The following MYO6 variants were observed in gnomAD, a reference collection of about 807,000 sequenced individuals.
MYO6 encodes myosin VI, also known as unconventional myosin-VI.
A neutral mutation model predicts 178.7 loss-of-function variants in MYO6; 74 were observed. That is an observed-to-expected ratio of 0.41 (90% CI 0.34 to 0.50). The LOEUF (loss-of-function observed/expected upper bound fraction) is 0.50. Among genes scored for constraint, MYO6 ranks in the 20% least tolerant of loss-of-function variants. The pLI, the probability that MYO6 is intolerant of heterozygous loss-of-function variation, is 0.09. For synonymous variants in MYO6, 477 were observed against 504.6 expected, an observed-to-expected ratio of 0.95 and a Z score of 0.73; for missense variants, 1,330 against 1,547.4, an observed-to-expected ratio of 0.86 and a Z score of 2.36.
chr6:75,855,068 C>A, intron 11 of MYO6, 71 bp from the exon 12 acceptor site: 1 of 1,345,832 alleles, frequency 7.4e-7, no homozygotes, highest in Non-Finnish European at 1.0e-6. Flanking sequence ...AAGTATAATT[C>A]TAAGAAATGG....
intron 32 of MYO6, among the ~76,000 whole-genome samples, chr6:75,909,233 A>G (rs907676880): frequency 2.6e-5 from 4 of 152,178 alleles, no homozygotes; most frequent in African/African-American, 9.6e-5. Context: ...GTTTTTAGAA[A>G]TAGTTCCCTG....
At chr6:75,880,617 T>C (rs1431015235) in intron 22 of MYO6, among the ~76,000 whole-genome samples, 1 of 152,268 alleles carries the variant, frequency 6.6e-6, no homozygotes, top group African/African-American at 2.4e-5. Context: ...AGAGCTTTAA[T>C]AATTATTTGA....
chr6:75,813,681 G>A (rs1770922760), intron 1 of MYO6, among the ~76,000 whole-genome samples: 1 of 152,196 alleles, frequency 6.6e-6, no homozygotes, highest in South Asian at 2.1e-4. Context: ...TCTCACCTGT[G>A]ACCCGTGGTG....
At chr6:75,852,884 A>T (rs1438070876) in intron 11 of MYO6, among the ~76,000 whole-genome samples, 1 of 152,208 alleles carries the variant, frequency 6.6e-6, no homozygotes. Flanking sequence ...GCTGAATCAC[A>T]TCATGGTAAA....
intron 10 of MYO6, among the ~76,000 whole-genome samples, chr6:75,845,903 C>G (rs942912893): frequency 6.6e-6 from 1 of 151,532 alleles, no homozygotes; most frequent in Non-Finnish European, 1.5e-5. Context: ...AGGAGAATCG[C>G]TTGAACCCAG....
At chr6:75,898,433 G>T in intron 30 of MYO6, 22 bp downstream of exon 30, 1 of 1,593,586 alleles carries the variant, frequency 6.3e-7, no homozygotes, top group Non-Finnish European at 8.6e-7. Flanking sequence ...GTAATTGGGG[G>T]AAATAAGTGT....
chr6:75,808,470 G>A (rs777737294), intron 1 of MYO6, among the ~76,000 whole-genome samples: 18 of 152,048 alleles, frequency 1.2e-4, no homozygotes, highest in Non-Finnish European at 2.1e-4. Flanking sequence ...CCTCCTGAAA[G>A]CCCTGTCTCC....
intron 10 of MYO6, 88 bp from the exon 11 acceptor site, chr6:75,848,263 A>T (rs939286916): frequency 8.4e-7 from 1 of 1,183,962 alleles, no homozygotes; most frequent in Non-Finnish European, 1.3e-6. Flanking sequence ...TTTGCATGTT[A>T]TATAGTGCAT....
At chr6:75,864,617 C>T (rs1241802892) in intron 16 of MYO6, among the ~76,000 whole-genome samples, 2 of 152,078 alleles carry the variant, frequency 1.3e-5, no homozygotes, top group Admixed American at 1.3e-4. Context: ...AGGTGACTTA[C>T]CAGGGGCACT....
At position 75,750,261 on chromosome 6, in the gene MYO6, A is replaced by AT. The variant is rs916162752; in HGVS notation, c.-48+845dup. ...AAGCGCCCACCACCACGCCTGGCTA[A>AT]TTTTTTTGTATTTTTAGTAGAGACG... On this transcript the variant is annotated intron_variant, in intron 1 of 34. Coordinates refer to ENST00000369977, the MANE Select transcript of MYO6 (RefSeq NM_004999.4). Among the ~76,000 whole-genome samples, 16 of 151,898 alleles carry AT rather than the reference A, an allele frequency of 1.1e-4. No individual in the cohort carries two copies. The South Asian group carries it at 2.3e-3, about 22-fold the overall frequency.
intron 16 of MYO6, among the ~76,000 whole-genome samples, chr6:75,862,972 T>G (rs1776328655): frequency 6.6e-6 from 1 of 152,162 alleles, no homozygotes; most frequent in Non-Finnish European, 1.5e-5. Flanking sequence ...GTGCCTGTAG[T>G]CTGAGATACT....
chr6:75,845,223 G>A (rs560093097), intron 10 of MYO6, among the ~76,000 whole-genome samples: 30 of 152,084 alleles, frequency 2.0e-4, no homozygotes, highest in Non-Finnish European at 4.1e-4. Flanking sequence ...CTCTCATTCT[G>A]TTTTCAAGCA....
chr6:75,821,293 C>T (rs893171024), intron 2 of MYO6, among the ~76,000 whole-genome samples: 2 of 152,098 alleles, frequency 1.3e-5, no homozygotes, highest in African/African-American at 2.4e-5. Flanking sequence ...CTGGGGAGCC[C>T]GTAACCCTCT....
intron 33 of MYO6, among the ~76,000 whole-genome samples, chr6:75,913,685 A>G (rs1780937856): frequency 6.6e-6 from 1 of 152,202 alleles, no homozygotes; most frequent in Non-Finnish European, 1.5e-5. Flanking sequence ...TACTGTACAA[A>G]TTTGAACTCT....
chr6:75,793,663 C>T (rs188913463), intron 1 of MYO6, among the ~76,000 whole-genome samples: 13 of 152,134 alleles, frequency 8.5e-5, no homozygotes, highest in Non-Finnish European at 1.8e-4. Context: ...CTTTATTAAA[C>T]ATTCCCAAGG....
In MYO6 at chr6:75,822,756, T is replaced by G. The variant is rs755632628; in HGVS notation, c.118-26T>G. The G allele has an allele frequency of 5.6e-6, 9 of 1,601,784 alleles. No homozygotes were observed. In the East Asian group the frequency reaches 2.0e-4, roughly 36 times the overall value. On this transcript the variant is annotated intron_variant, in intron 2 of 34. Transcript: ENST00000369977. ...TCTTACTATTTAAAAGCCTTGAGTT[T>G]AATGAGCATTTGTTTTGCTTGTTAG...
chr6:75,817,891 T>A (rs566183420), intron 2 of MYO6, among the ~76,000 whole-genome samples: 2 of 152,312 alleles, frequency 1.3e-5, no homozygotes, highest in East Asian at 3.9e-4. Flanking sequence ...AGCCTTTCAT[T>A]CTTTGTTTTT....
chr6:75,862,892 A>G (rs1776321511), intron 16 of MYO6, among the ~76,000 whole-genome samples, 169 bp downstream of exon 16: 1 of 152,192 alleles, frequency 6.6e-6, no homozygotes, highest in Non-Finnish European at 1.5e-5. Context: ...ATATTTATAT[A>G]TGATTTTTAT....
Position 75,822,517 on chromosome 6 carries a change from CCTT to C in MYO6, c.118-261_118-259del, listed in dbSNP as rs144524315. 0.38 allele frequency among the ~76,000 whole-genome samples: 56,952 copies of C among 151,454 alleles called. 11,282 individuals are homozygous for C. Among genetic ancestry groups the C allele is most frequent in the East Asian group, 0.54 (2,787 of 5,150 alleles). ...AATATTAATATACCTCTTTTTTTGTCCTTCTTTAGGTGTTGGAGCCTAGGATAC... is the reference window on the plus strand; with the variant it reads ...AATATTAATATACCTCTTTTTTTGTCCTTTAGGTGTTGGAGCCTAGGATAC... On this transcript the variant is annotated intron_variant, in intron 2 of 34. Transcript: ENST00000369977.
Sources: gnomAD v4.1 joint callset for allele counts (sites outside exome capture counted in the v4.1 genomes callset) on GRCh38, gnomAD v4.1.1 for gene constraint, MANE v1.5 for transcripts, NCBI Gene and HGNC (gene_info 2026-07-23, HGNC 2026-07-21) for gene names.